The following SAV1 variants were observed in gnomAD, a reference collection of about 807,000 sequenced individuals.
The protein encoded by SAV1 is protein salvador homolog 1.
In SAV1, 23 loss-of-function variants were observed where a neutral mutation model predicts 47.3. That is an observed-to-expected ratio of 0.49 (90% CI 0.35 to 0.69). The LOEUF (loss-of-function observed/expected upper bound fraction) is 0.69, where lower values mean the gene tolerates loss of function less well. SAV1 is among the 30% of genes least tolerant of loss of function. The pLI, the probability that SAV1 is intolerant of heterozygous loss-of-function variation, is 0.01. For missense variants in SAV1, 448 were observed against 457.4 expected (o/e 0.98, Z 0.19); for synonymous variants, 155 against 159.2 (o/e 0.97, Z 0.20).
intron 2 of SAV1, among the ~76,000 whole-genome samples, chr14:50,649,640 G>A (rs1334435169): frequency 6.6e-6 from 1 of 152,160 alleles, no homozygotes; most frequent in Non-Finnish European, 1.5e-5. Context: ...CATTGCTGGT[G>A]CATGTTCTAA....
intron 4 of SAV1, chr14:50,637,907 A>G (rs1261584300): frequency 6.6e-6 from 1 of 152,162 alleles, no homozygotes; most frequent in Non-Finnish European, 1.5e-5. Flanking sequence ...ATCACAGCCC[A>G]GAACTCCTAA....
At chr14:50,644,363 T>A (rs937209891) in intron 3 of SAV1, among the ~76,000 whole-genome samples, 2 of 152,138 alleles carry the variant, frequency 1.3e-5, no homozygotes, top group Admixed American at 6.5e-5. Context: ...AACAGCAAAA[T>A]GTTATAATTC....
rs372747764 is a variant in SAV1, at chr14:50,641,558, C to G, written c.807-665G>C. ...TGAGACCAAAAGGGGTCTGCACCTT[C>G]AAACATAAAGATTTATGTGTATATG... On this transcript the variant is annotated intron_variant, in intron 3 of 4. Coordinates refer to ENST00000324679, the MANE Select transcript of SAV1 (RefSeq NM_021818.4). Among the ~76,000 whole-genome samples the G allele has an allele frequency of 7.2e-5, 11 of 152,278 alleles. No homozygotes were observed. In the East Asian group the frequency reaches 7.7e-4, roughly 11 times the overall value.
In SAV1 at chr14:50,655,598, G is replaced by A. The variant is rs140203344; in HGVS notation, c.535+9581C>T. 1.1e-3 allele frequency among the ~76,000 whole-genome samples: 166 copies of A among 151,912 alleles called. 2 individuals carry two copies. The highest frequency in any genetic ancestry group is 7.5e-3 in the South Asian group (36 of 4,808). ...CTGCCACCATGCCTGGCTACTTTTT[G>A]TATTTTTAGTAGAGATGGGGTTTCA... On this transcript the variant is annotated intron_variant, in intron 2 of 4. Coordinates refer to ENST00000324679, the MANE Select transcript of SAV1 (RefSeq NM_021818.4).
chr14:50,648,599 G>A (rs945080911), intron 2 of SAV1, among the ~76,000 whole-genome samples: 5 of 152,064 alleles, frequency 3.3e-5, no homozygotes, highest in Admixed American at 1.3e-4. Flanking sequence ...CTAACACGGT[G>A]AAACCCCATC....
chr14:50,654,102 C>T (rs1162795184), intron 2 of SAV1, among the ~76,000 whole-genome samples: 5 of 152,088 alleles, frequency 3.3e-5, no homozygotes, highest in Admixed American at 3.3e-4. Flanking sequence ...GCTGGGATAG[C>T]TGTGGCAATT....
chr14:50,655,720 C>T (rs115084846), intron 2 of SAV1, among the ~76,000 whole-genome samples: 2 of 152,150 alleles, frequency 1.3e-5, no homozygotes, highest in East Asian at 3.9e-4. Flanking sequence ...GCCACTATAC[C>T]CTGCCTAAAA....
At chr14:50,665,728 A>C in intron 1 of SAV1, 109 bp from the exon 2 acceptor site, 2 of 976,070 alleles carry the variant, frequency 2.0e-6, no homozygotes, top group South Asian at 1.8e-5. Context: ...CAGTCAACTT[A>C]AGAAAACACA....
intron 2 of SAV1, chr14:50,664,933 T>A (rs1205097165): frequency 2.7e-6 from 1 of 371,818 alleles, no homozygotes; most frequent in Non-Finnish European, 4.5e-6. Context: ...ATTAAGAGTC[T>A]AGACAGCCTT....
At chr14:50,665,094 T>G (rs566223096) in intron 2 of SAV1, 85 bp downstream of exon 2, 1 of 1,464,730 alleles carries the variant, frequency 6.8e-7, no homozygotes, top group African/African-American at 1.4e-5. Context: ...TTTGTTCGTG[T>G]CCCAAGAAAA....
intron 4 of SAV1, 91 bp from the exon 5 acceptor site, chr14:50,635,475 CTTTA>C: frequency 1.0e-6 from 1 of 1,004,330 alleles, no homozygotes; most frequent in Non-Finnish European, 1.5e-6. Flanking sequence ...AAAATGTCAA[CTTTA>C]TTTATAACTA....
chr14:50,641,250 G>A (rs1445149127), intron 3 of SAV1, among the ~76,000 whole-genome samples: 1 of 152,158 alleles, frequency 6.6e-6, no homozygotes, highest in Non-Finnish European at 1.5e-5. Context: ...TGAAAATGGG[G>A]GTTAGGATAT....
chr14:50,658,608 T>C (rs557051274), intron 2 of SAV1, among the ~76,000 whole-genome samples: 1 of 152,190 alleles, frequency 6.6e-6, no homozygotes, highest in Non-Finnish European at 1.5e-5. Context: ...TAATAACTAA[T>C]TGACAGGAAT....
intron 4 of SAV1, among the ~76,000 whole-genome samples, chr14:50,639,082 T>C (rs2039660624): frequency 6.6e-6 from 1 of 152,252 alleles, no homozygotes; most frequent in Non-Finnish European, 1.5e-5. Context: ...TTTAAAATTT[T>C]ATCCTATAGT....
At chr14:50,638,838 G>A (rs1465579128) in intron 4 of SAV1, among the ~76,000 whole-genome samples, 13 of 152,028 alleles carry the variant, frequency 8.6e-5, no homozygotes, top group Non-Finnish European at 2.9e-5. Context: ...CGCAATCTTG[G>A]CTCACTGCAA....
intron 4 of SAV1, among the ~76,000 whole-genome samples, chr14:50,635,884 T>C (rs968786805): frequency 1.3e-5 from 2 of 152,112 alleles, no homozygotes; most frequent in Non-Finnish European, 2.9e-5. Context: ...TACTTCTGTA[T>C]TTTTAGTAGA....
intron 3 of SAV1, 37 bp downstream of exon 3, chr14:50,644,707 C>A: frequency 1.3e-6 from 2 of 1,574,746 alleles, no homozygotes; most frequent in Admixed American, 1.7e-5. Flanking sequence ...TTAGACAATC[C>A]CGAAACAAAA....
chr14:50,642,451 T>C (rs1245707133), intron 3 of SAV1, among the ~76,000 whole-genome samples: 7 of 149,364 alleles, frequency 4.7e-5, no homozygotes. Context: ...ATCGCGCCAC[T>C]GCACTCCAGC....
intron 4 of SAV1, among the ~76,000 whole-genome samples, chr14:50,638,418 T>C (rs754780927): frequency 1.2e-4 from 18 of 152,216 alleles, no homozygotes; most frequent in Non-Finnish European, 2.2e-4. Flanking sequence ...ATACTACTTA[T>C]AAATAAGCCA....
Sources: allele counts gnomAD v4.1 joint callset (sites outside exome capture counted in the v4.1 genomes callset), GRCh38; gene constraint gnomAD v4.1.1; transcripts MANE v1.5; gene names NCBI Gene and HGNC (gene_info 2026-07-23, HGNC 2026-07-21).